Variants in CADM2 observed in about 807,000 individuals in gnomAD.
CADM2 encodes the protein immunoglobulin superfamily member 4D.
CADM2 carries 12 observed loss-of-function variants against 49.8 expected under a neutral mutation model. The ratio of observed to expected loss-of-function variants is 0.24; its 90% CI spans 0.15 to 0.39. The LOEUF (loss-of-function observed/expected upper bound fraction) is 0.39. Ranked by LOEUF, CADM2 falls within the 10% of genes least tolerant of loss-of-function variation. CADM2 has a pLI of 1.00. For missense variants in CADM2, 378 were observed against 492.3 expected (o/e 0.77, Z 2.20); for synonymous variants, 214 against 175.4 (o/e 1.22, Z -1.74).
At chr3:86,032,520 A>G (rs947020855) in intron 8 of CADM2, among the ~76,000 whole-genome samples, 2 of 151,932 alleles carry the variant, frequency 1.3e-5, no homozygotes, top group African/African-American at 2.4e-5. Context: ...TATAACATAT[A>G]TTAATGATTT....
At chr3:85,372,360 T>G (rs1278011060) in intron 1 of CADM2, among the ~76,000 whole-genome samples, 1 of 151,150 alleles carries the variant, frequency 6.6e-6, no homozygotes, top group Non-Finnish European at 1.5e-5. Context: ...TATGTGTGTG[T>G]GTGTATATAT....
chr3:85,874,411 A>T (rs974381929), intron 3 of CADM2, among the ~76,000 whole-genome samples: 1 of 152,168 alleles, frequency 6.6e-6, no homozygotes, highest in Admixed American at 6.5e-5. Flanking sequence ...TTTGATTCCC[A>T]ATCTACCTTT....
At chr3:85,756,756 A>G (rs1486454618) in intron 2 of CADM2, among the ~76,000 whole-genome samples, 1 of 152,124 alleles carries the variant, frequency 6.6e-6, no homozygotes, top group East Asian at 1.9e-4. Flanking sequence ...AGTCTTTTTA[A>G]TCCAATTTGA....
intron 1 of CADM2, among the ~76,000 whole-genome samples, chr3:85,029,446 A>G (rs565430469): frequency 7.9e-4 from 121 of 152,342 alleles, no homozygotes; most frequent in African/African-American, 2.8e-3. Context: ...TCCACCTGAT[A>G]AAAGTAGATG....
chr3:85,167,963 A>C (rs1318771929), intron 1 of CADM2, among the ~76,000 whole-genome samples: 1 of 152,122 alleles, frequency 6.6e-6, no homozygotes, highest in East Asian at 1.9e-4. Flanking sequence ...GACTCCCTGC[A>C]TCCTAGAGCT....
chr3:85,761,859 C>T (rs926650666), intron 2 of CADM2, among the ~76,000 whole-genome samples: 1 of 152,110 alleles, frequency 6.6e-6, no homozygotes, highest in African/African-American at 2.4e-5. Context: ...TCATCAATTT[C>T]TTTGACTAAG....
chr3:85,521,576 T>G, intron 1 of CADM2, among the ~76,000 whole-genome samples: 1 of 152,154 alleles, frequency 6.6e-6, no homozygotes, highest in East Asian at 1.9e-4. Context: ...ATTTGGAAAA[T>G]GAAAAGTAAT....
chr3:85,096,735 T>C (rs1262379325), intron 1 of CADM2, among the ~76,000 whole-genome samples: 2 of 152,116 alleles, frequency 1.3e-5, no homozygotes, highest in African/African-American at 4.8e-5. Context: ...CTCTAAACAT[T>C]CAGTGAATTT....
At chr3:85,012,645 T>A (rs1231527989) in intron 1 of CADM2, among the ~76,000 whole-genome samples, 1 of 151,136 alleles carries the variant, frequency 6.6e-6, no homozygotes, top group Non-Finnish European at 1.5e-5. Flanking sequence ...TTTATATGCA[T>A]CTTCATAAAG....
intron 1 of CADM2, among the ~76,000 whole-genome samples, chr3:85,309,902 T>A (rs2044303866): frequency 6.6e-6 from 1 of 152,204 alleles, no homozygotes; most frequent in Non-Finnish European, 1.5e-5. Flanking sequence ...GTGCAAGAAA[T>A]GACCATATGA....
At chr3:85,802,026 T>G in intron 2 of CADM2, 21 bp from the exon 3 acceptor site, 1 of 1,583,518 alleles carries the variant, frequency 6.3e-7, no homozygotes. Context: ...TTAATCAACA[T>G]TTTCTTTAAT....
Position 84,959,988 on chromosome 3 carries a change from CT to C in CADM2, c.61+321del, listed in dbSNP as rs2030305978. 8.4e-6 allele frequency: 4 copies of C among 475,068 alleles called. No homozygotes were observed. In the East Asian group the frequency reaches 1.1e-4, roughly 13 times the overall value. The allele number at this position is 475,068 out of a possible 1,614,324, so 29.4% of individuals were successfully genotyped here. A position where few individuals can be genotyped will look rare whatever the true frequency, so the allele number is the denominator to read the frequency against. ...ACGCCTTTTGGCTGGCAACTTGTGC[CT>C]CTCTGAACATTCCACCCTCCCGACA... is the stretch of plus-strand genomic sequence containing the variant. On this transcript the variant is annotated intron_variant, in intron 1 of 9. Transcript: ENST00000383699.
intron 1 of CADM2, among the ~76,000 whole-genome samples, chr3:85,630,821 C>T (rs1407836935): frequency 1.3e-5 from 2 of 151,906 alleles, no homozygotes; most frequent in Admixed American, 6.6e-5. Context: ...TCACATTTCT[C>T]TATATAACTC....
At chr3:85,737,398 A>C (rs771096860) in intron 2 of CADM2, among the ~76,000 whole-genome samples, 8 of 152,182 alleles carry the variant, frequency 5.3e-5, no homozygotes, top group African/African-American at 1.4e-4. Context: ...CCTAAATTGT[A>C]TATTCTAGTT....
intron 1 of CADM2, among the ~76,000 whole-genome samples, chr3:85,167,559 C>A (rs1206455598): frequency 6.6e-6 from 1 of 151,986 alleles, no homozygotes; most frequent in Non-Finnish European, 1.5e-5. Flanking sequence ...AGCTGTCTTC[C>A]TTATAAACTA....
chr3:85,990,273 C>T (rs1728623415), intron 8 of CADM2, among the ~76,000 whole-genome samples: 2 of 151,912 alleles, frequency 1.3e-5, no homozygotes, highest in South Asian at 4.1e-4. Context: ...ATGAGATATT[C>T]AATACTTTAT....
intron 1 of CADM2, among the ~76,000 whole-genome samples, chr3:85,230,045 C>G (rs1174651932): frequency 6.6e-6 from 1 of 152,156 alleles, no homozygotes; most frequent in African/African-American, 2.4e-5. Flanking sequence ...ATCACTGACT[C>G]TAATGCTGGG....
At chr3:85,844,168 T>A (rs1252027537) in intron 3 of CADM2, among the ~76,000 whole-genome samples, 1 of 152,108 alleles carries the variant, frequency 6.6e-6, no homozygotes, top group Non-Finnish European at 1.5e-5. Flanking sequence ...AATCCAGCTA[T>A]CAGAGATTTC....
intron 8 of CADM2, among the ~76,000 whole-genome samples, chr3:85,996,294 T>C (rs998186827): frequency 7.1e-6 from 1 of 140,490 alleles, no homozygotes; most frequent in African/African-American, 2.6e-5. Flanking sequence ...CATTTACTTT[T>C]TTTTTTTTTT....
Sources: allele counts gnomAD v4.1 joint callset (sites outside exome capture counted in the v4.1 genomes callset), GRCh38; gene constraint gnomAD v4.1.1; transcripts MANE v1.5; gene names NCBI Gene and HGNC (gene_info 2026-07-23, HGNC 2026-07-21).